ZFP1: variants seen among roughly 807,000 people sequenced by gnomAD.
ZFP1 encodes zinc finger protein 1 homolog.
In ZFP1, 32 loss-of-function variants were observed where a neutral mutation model predicts 38.5. The ratio of observed to expected loss-of-function variants is 0.83; its 90% CI spans 0.63 to 1.12. The LOEUF (loss-of-function observed/expected upper bound fraction) is 1.12. Ranked by LOEUF, ZFP1 falls within the 50% of genes most tolerant of loss-of-function variation. The pLI, the probability that ZFP1 is intolerant of heterozygous loss-of-function variation, is 0.00. For synonymous variants in ZFP1, 245 were observed against 168.8 expected (o/e 1.45, Z -3.50); for missense variants, 616 against 480.8 (o/e 1.28, Z -2.63).
At position 75,165,567 on chromosome 16, in the gene ZFP1, G is replaced by T. The variant is rs188441072; in HGVS notation, c.16-1203G>T. ...CCTCTACCACACCCGGATAATTTTT[G>T]TATTTTTAGTAGAGATGGGGTTTCA... On this transcript the variant is annotated intron_variant, in intron 2 of 3. Transcript: ENST00000570010. Among the ~76,000 whole-genome samples, 532 of 152,118 alleles carry T rather than the reference G, an allele frequency of 3.5e-3. 14 individuals are homozygous for T. The highest frequency in any genetic ancestry group is 0.031 in the Admixed American group (472 of 15,256).
Position 75,150,378 on chromosome 16 carries a change from T to A in ZFP1, c.-44+1735T>A, listed in dbSNP as rs1470857293. ...CGCCCGCCACTACACCTGGCTAATTTTTTTATTTTTTTTTGTATTTTTAGT... is the reference window on the plus strand; with the variant it reads ...CGCCCGCCACTACACCTGGCTAATTATTTTATTTTTTTTTGTATTTTTAGT... On this transcript the variant is annotated intron_variant, in intron 1 of 3. Transcript: ENST00000570010. 1.2e-4 allele frequency among the ~76,000 whole-genome samples: 5 copies of A among 42,882 alleles called. No homozygotes were observed. The South Asian group carries it at 2.8e-3, about 24-fold the overall frequency. The allele number at this position is 42,882 out of a possible 152,430, so 28.1% of individuals were successfully genotyped here.
intron 3 of ZFP1, among the ~76,000 whole-genome samples, chr16:75,168,042 CAG>C (rs1164640716): frequency 6.6e-6 from 1 of 151,376 alleles, no homozygotes; most frequent in Non-Finnish European, 1.5e-5. Context: ...GCCTGGGCAA[CAG>C]AGACCGACCC....
chr16:75,139,439 T>C, the ZFP1 span, among the ~76,000 whole-genome samples: 61,190 of 148,318 alleles, frequency 0.41, 14,148 homozygotes, highest in African/African-American at 0.63. Flanking sequence ...CGCCTATAAT[T>C]TCAGCACTTA....
chr16:75,169,287 C>A lies in ZFP1; in HGVS notation c.177C>A (p.Asp59Glu), dbSNP rs757674039. ...AGGCTGATGACCAGATGGAGAGAGA[C>A]CACAGAAACCCAGACGAGCAGGCGA... ...VWKADDQMER[D>E]HRNPDEQARQ... The change falls in exon 4 of 4, where the codon GAC becomes GAA. Residue 59 changes from aspartate (D) to glutamate (E), a missense_variant. By Grantham distance (45) the Asp-to-Glu change is conservative. Transcript: ENST00000570010. The A allele has an allele frequency of 6.2e-7, 1 of 1,613,478 alleles. No homozygotes were observed. Among genetic ancestry groups the A allele is most frequent in the Non-Finnish European group, 8.5e-7 (1 of 1,179,820 alleles).
At chr16:75,142,412 T>C in the ZFP1 span, among the ~76,000 whole-genome samples, 1 of 151,802 alleles carries the variant, frequency 6.6e-6, no homozygotes, top group Non-Finnish European at 1.5e-5. Flanking sequence ...GGCCAGCTGC[T>C]GAAACGTCCT....
chr16:75,167,279 A>C (rs1204736945), intron 3 of ZFP1, among the ~76,000 whole-genome samples: 1 of 152,218 alleles, frequency 6.6e-6, no homozygotes, highest in African/African-American at 2.4e-5. Flanking sequence ...AGTACCTTTG[A>C]AATACTTTTC....
chr16:75,122,654 T>C, the ZFP1 span, among the ~76,000 whole-genome samples: 2 of 152,242 alleles, frequency 1.3e-5, no homozygotes, highest in Non-Finnish European at 2.9e-5. Context: ...AGCTACATCT[T>C]AAATTTAGTA....
In ZFP1 at chr16:75,170,710, A is replaced by G. The variant is rs900416693; in HGVS notation, c.*376A>G. 6 of 168,702 alleles carry G rather than the reference A, an allele frequency of 3.6e-5. No individual in the cohort carries two copies. Among genetic ancestry groups the G allele is most frequent in the Non-Finnish European group, 2.5e-5 (2 of 79,082 alleles). 10.5% of individuals were successfully genotyped at this position (168,702 alleles called of 1,614,324 possible). A position where few individuals can be genotyped will look rare whatever the true frequency, so the allele number is the denominator to read the frequency against. ...CAAGTGGTATGCTTTAGATCTGCAC[A>G]TGTGAATTTAGCATAATCACTGGGA... is the stretch of plus-strand genomic sequence containing the variant. On this transcript the variant is annotated 3_prime_UTR_variant, in exon 4 of 4. Coordinates refer to ENST00000570010, the MANE Select transcript of ZFP1 (RefSeq NM_153688.4).
the ZFP1 span, among the ~76,000 whole-genome samples, chr16:75,122,049 T>G: frequency 6.6e-6 from 1 of 152,226 alleles, no homozygotes; most frequent in South Asian, 2.1e-4. Flanking sequence ...GCAAAATGCT[T>G]ATTCCCCAGT....
upstream of ZFP1, chr16:75,144,105 C>T (rs866080744): frequency 5.9e-5 from 9 of 152,284 alleles, 1 homozygote; most frequent in South Asian, 6.2e-4. Flanking sequence ...TAATAGAGGA[C>T]AATGTGGTTG....
At chr16:75,135,739 G>C in the ZFP1 span, among the ~76,000 whole-genome samples, 1 of 140,544 alleles carries the variant, frequency 7.1e-6, no homozygotes, top group African/African-American at 2.6e-5. Flanking sequence ...TTGTGCATTT[G>C]TCAAAACCTA....
upstream of ZFP1, among the ~76,000 whole-genome samples, chr16:75,145,993 A>T (rs954908717): frequency 6.6e-6 from 1 of 152,148 alleles, no homozygotes; most frequent in African/African-American, 2.4e-5. Flanking sequence ...CCAGAGCCCA[A>T]AGGTGCTCAC....
chr16:75,167,495 G>A (rs1301765661), intron 3 of ZFP1, among the ~76,000 whole-genome samples: 1 of 151,332 alleles, frequency 6.6e-6, no homozygotes, highest in Non-Finnish European at 1.5e-5. Context: ...TCTTGTACAT[G>A]TACCATTCTT....
At chr16:75,167,152 A>G (rs1270669363) in intron 3 of ZFP1, among the ~76,000 whole-genome samples, 1 of 152,260 alleles carries the variant, frequency 6.6e-6, no homozygotes, top group African/African-American at 2.4e-5. Flanking sequence ...TGGAGCAACC[A>G]GAAGAGTTTT....
intron 2 of ZFP1, 149 bp from the exon 3 acceptor site, chr16:75,166,621 T>G: frequency 6.8e-7 from 1 of 1,464,278 alleles, no homozygotes; most frequent in Non-Finnish European, 9.0e-7. Context: ...TATAAAAATA[T>G]ATTTTGGAAG....
the ZFP1 span, among the ~76,000 whole-genome samples, chr16:75,140,138 C>A: frequency 6.6e-6 from 1 of 151,942 alleles, no homozygotes; most frequent in Admixed American, 6.6e-5. Context: ...CGTGGTGGTG[C>A]ACTCCTGTAA....
chr16:75,158,737 G>A (rs2037595331), intron 2 of ZFP1, among the ~76,000 whole-genome samples: 1 of 149,250 alleles, frequency 6.7e-6, no homozygotes, highest in Non-Finnish European at 1.5e-5. Context: ...TTTTTTTTAA[G>A]TGGTTGCTGT....
chr16:75,166,732 A>C, intron 2 of ZFP1, 38 bp from the exon 3 acceptor site: 1 of 1,613,916 alleles, frequency 6.2e-7, no homozygotes, highest in Admixed American at 1.7e-5. Context: ...ATATCACCAA[A>C]TGATCATCTT....
intron 3 of ZFP1, 89 bp from the exon 4 acceptor site, chr16:75,169,164 G>T: frequency 6.8e-7 from 1 of 1,461,284 alleles, no homozygotes; most frequent in Admixed American, 2.4e-5. Context: ...AGTCAGCCCT[G>T]TGATAGAACA....
Sources: allele counts gnomAD v4.1 joint callset (sites outside exome capture counted in the v4.1 genomes callset), GRCh38; gene constraint gnomAD v4.1.1; transcripts MANE v1.5; gene names NCBI Gene and HGNC (gene_info 2026-07-23, HGNC 2026-07-21).